The following PADI1 variants were observed in gnomAD, a reference collection of about 807,000 sequenced individuals.
The protein encoded by PADI1 is protein-arginine deiminase type-1.
A neutral mutation model predicts 74.8 loss-of-function variants in PADI1; 65 were observed. That is an observed-to-expected ratio of 0.87 (90% CI 0.71 to 1.07). PADI1 has a LOEUF of 1.07. Among genes scored for constraint, PADI1 ranks in the 50% least tolerant of loss-of-function variants. The pLI, the probability that PADI1 is intolerant of heterozygous loss-of-function variation, is 0.00. For synonymous variants in PADI1, 371 were observed against 336.2 expected (o/e 1.10, Z -1.13); for missense variants, 943 against 854.0 (o/e 1.10, Z -1.30).
At chr1:17,222,950 C>A (rs906123399) in intron 2 of PADI1, among the ~76,000 whole-genome samples, 1 of 151,336 alleles carries the variant, frequency 6.6e-6, no homozygotes, top group Non-Finnish European at 1.5e-5. Flanking sequence ...CTCGCCCCAG[C>A]CCCCAGCACC....
At chr1:17,220,340 T>C (rs555059022) in intron 1 of PADI1, among the ~76,000 whole-genome samples, 1 of 152,242 alleles carries the variant, frequency 6.6e-6, no homozygotes, top group African/African-American at 2.4e-5. Context: ...CAAGTGATCA[T>C]GGCAGAGGTT....
chr1:17,227,530 CAAATAAATAAATAAATAAATAAAT>C (rs56966982), intron 6 of PADI1, among the ~76,000 whole-genome samples: 13 of 138,356 alleles, frequency 9.4e-5, no homozygotes, highest in East Asian at 4.1e-4. Context: ...GACCCTGTCT[CAAATAAATAAATAAATAAATAAAT>C]AAATAAATAA....
In PADI1 at chr1:17,239,739, A is replaced by G. The variant is rs757852247; in HGVS notation, c.1588A>G (p.Met530Val). The change falls in exon 14 of 16, where the codon ATG becomes GTG. Residue 530 changes from methionine to valine, a missense_variant. Coordinates refer to ENST00000375471, the MANE Select transcript of PADI1 (RefSeq NM_013358.3). ...CCAGGCAAAAAGAAGCATTAATGAG[A>G]TGCTGGCAGACAGACACCTCCAGAG... ...KHQAKRSINE[M>V]LADRHLQRDN... 1 of 1,614,120 alleles carries G rather than the reference A, an allele frequency of 6.2e-7. No homozygotes were observed. Among genetic ancestry groups the G allele is most frequent in the Non-Finnish European group, 8.5e-7 (1 of 1,179,952 alleles).
chr1:17,221,669 C>G lies in PADI1; in HGVS notation c.93-621C>G, dbSNP rs1007541542. On this transcript the variant is annotated intron_variant, in intron 1 of 15. Coordinates refer to ENST00000375471, the MANE Select transcript of PADI1 (RefSeq NM_013358.3). ...TCTTGGGGAGGAGCAGTCCATGCAG[C>G]AGGAGCGGGCAGTGCCAGGACAGCC... is the stretch of plus-strand genomic sequence containing the variant. 1.2e-4 allele frequency among the ~76,000 whole-genome samples: 19 copies of G among 152,020 alleles called. 1 individual carries two copies. Among genetic ancestry groups the G allele is most frequent in the Non-Finnish European group, 4.4e-5 (3 of 68,000 alleles).
intron 15 of PADI1, among the ~76,000 whole-genome samples, chr1:17,243,187 G>C (rs2072812334): frequency 6.6e-6 from 1 of 152,206 alleles, no homozygotes; most frequent in Non-Finnish European, 1.5e-5. Flanking sequence ...AACCTGGGCT[G>C]AGATTTCCTC....
At chr1:17,221,061 CT>C (rs553277061) in intron 1 of PADI1, among the ~76,000 whole-genome samples, 370 of 152,312 alleles carry the variant, frequency 2.4e-3, no homozygotes, top group Middle Eastern at 6.8e-3. Context: ...ACACCCATTT[CT>C]TGATCCCAGA....
chr1:17,209,068 C>T (rs2071764720), intron 1 of PADI1, among the ~76,000 whole-genome samples: 1 of 152,198 alleles, frequency 6.6e-6, no homozygotes, highest in African/African-American at 2.4e-5. Flanking sequence ...TTCTGGAATT[C>T]TCTGTATTTC....
At chr1:17,208,841 G>T (rs1244743726) in intron 1 of PADI1, among the ~76,000 whole-genome samples, 1 of 152,228 alleles carries the variant, frequency 6.6e-6, no homozygotes, top group Non-Finnish European at 1.5e-5. Context: ...CTGCCCAGAG[G>T]CCAGAACCAG....
At chr1:17,223,744 G>T in intron 3 of PADI1, 51 bp downstream of exon 3, 1 of 1,452,554 alleles carries the variant, frequency 6.9e-7, no homozygotes, top group South Asian at 1.2e-5. Context: ...CCTCCAGGTT[G>T]ACTGTTTGAG....
In PADI1 at chr1:17,228,995, G is replaced by A. The variant is rs144150093; in HGVS notation, c.873G>A (p.Met291Ile). ...TLFTDTVGFR[M>I]APWIMTPNTQ... ...TCACAGACACTGTGGGCTTCCGCATGGCCCCCTGGATCATGACGCCCAACA... is the reference window on the plus strand; with the variant it reads ...TCACAGACACTGTGGGCTTCCGCATAGCCCCCTGGATCATGACGCCCAACA... The change falls in exon 8 of 16, where the codon ATG becomes ATA. Residue 291 changes from methionine (M) to isoleucine (I), a missense_variant. Coordinates refer to ENST00000375471, the MANE Select transcript of PADI1 (RefSeq NM_013358.3). The A allele has an allele frequency of 1.3e-6, 2 of 1,596,778 alleles. No individual in the cohort carries two copies. The highest frequency in any genetic ancestry group is 1.7e-6 in the Non-Finnish European group (2 of 1,171,002).
intron 6 of PADI1, among the ~76,000 whole-genome samples, chr1:17,227,398 A>C (rs1422095109): frequency 6.6e-6 from 1 of 150,874 alleles, no homozygotes; most frequent in East Asian, 1.9e-4. Flanking sequence ...ACATACAAAA[A>C]AATTAGCCTG....
intron 6 of PADI1, among the ~76,000 whole-genome samples, chr1:17,227,802 G>A (rs1242864100): frequency 2.0e-5 from 3 of 152,204 alleles, no homozygotes; most frequent in African/African-American, 7.2e-5. Context: ...GTGACACCAG[G>A]GCGTAAGCAA....
intron 10 of PADI1, among the ~76,000 whole-genome samples, chr1:17,232,300 G>A (rs1311878399): frequency 1.3e-5 from 2 of 152,072 alleles, no homozygotes; most frequent in Non-Finnish European, 1.5e-5. Context: ...GAGTGCAGTG[G>A]TGCAATCCTA....
intron 15 of PADI1, among the ~76,000 whole-genome samples, chr1:17,241,037 C>T (rs1224466530): frequency 2.0e-5 from 3 of 152,176 alleles, no homozygotes; most frequent in Admixed American, 2.0e-4. Flanking sequence ...ATAGGATGCC[C>T]CGCCACAAAG....
intron 1 of PADI1, among the ~76,000 whole-genome samples, chr1:17,208,972 G>A (rs547538235): frequency 6.6e-6 from 1 of 152,338 alleles, no homozygotes; most frequent in Non-Finnish European, 1.5e-5. Context: ...TGCAAAAGCA[G>A]CAATGCAAGA....
rs564286380 is a variant in PADI1 at position 17,242,979 on chromosome 1, C to T, written c.1759-1031C>T. Among the ~76,000 whole-genome samples, 12 of 152,262 alleles carry T rather than the reference C, an allele frequency of 7.9e-5. No homozygotes were observed. In the South Asian group the frequency reaches 2.5e-3, roughly 32 times the overall value. On this transcript the variant is annotated intron_variant, in intron 15 of 15. Coordinates refer to ENST00000375471, the MANE Select transcript of PADI1 (RefSeq NM_013358.3). ...GGCCAGGGGACTGACCTCACGGGAC[C>T]CTCCAGCTTTATGTTGGTCCCTGCC...
rs1409635513 is a variant in PADI1, at chr1:17,230,658, T to C, written c.1140T>C (p.Asp380=). 6.2e-7 allele frequency: 1 copy of C among 1,608,686 alleles called. No individual in the cohort carries two copies. Among genetic ancestry groups the C allele is most frequent in the Admixed American group, 1.7e-5 (1 of 59,834 alleles). The change falls in exon 10 of 16, where the codon GAT becomes GAC. Residue 380 remains aspartate (D), a synonymous_variant. Coordinates refer to ENST00000375471, the MANE Select transcript of PADI1 (RefSeq NM_013358.3). The stretch of plus-strand genomic sequence containing the variant: ...CCCCCAGGAACAGGGGCCTGAAAGA[T>C]TTCCCCTATAAGAGGATCCTGGTAC... ...FDSPRNRGLK[D]FPYKRILGPD...
In PADI1 at chr1:17,205,133, T is replaced by A; in HGVS notation, c.-85T>A. The A allele has an allele frequency of 3.7e-6, 4 of 1,068,178 alleles. No individual in the cohort carries two copies. The highest frequency in any genetic ancestry group is 5.7e-6 in the Non-Finnish European group (4 of 697,906). 66.2% of individuals were successfully genotyped at this position (1,068,178 alleles called of 1,614,324 possible). A position where few individuals can be genotyped will look rare whatever the true frequency, so the allele number is the denominator to read the frequency against. ...GGAGGAGGCACCAGTCCATCAGAAC[T>A]CACACTTCTTCCTGGCAAAGAAGTG... On this transcript the variant is annotated 5_prime_UTR_variant, in exon 1 of 16. Transcript: ENST00000375471.
At position 17,237,417 on chromosome 1, in the gene PADI1, G is replaced by A. The variant is rs1372820963; in HGVS notation, c.1417G>A (p.Val473Met). The stretch of plus-strand genomic sequence containing the variant: ...CTCGGACTGGCTCTCTGTGGGCCAT[G>A]TGGACGAGTTTCTGACCTTTGTGCC... Reference protein sequence around the residue: ...LYSDWLSVGHVDEFLTFVPTS... With the variant: ...LYSDWLSVGHMDEFLTFVPTS... The change falls in exon 12 of 16, where the codon GTG becomes ATG. Residue 473 changes from valine (V) to methionine (M), a missense_variant. By Grantham distance (21) the Val-to-Met change is conservative. Transcript: ENST00000375471. 6.2e-7 allele frequency: 1 copy of A among 1,613,656 alleles called. No individual in the cohort carries two copies. The highest frequency in any genetic ancestry group is 1.7e-5 in the Admixed American group (1 of 59,960).
Sources: allele counts gnomAD v4.1 joint callset (sites outside exome capture counted in the v4.1 genomes callset), GRCh38; gene constraint gnomAD v4.1.1; transcripts MANE v1.5; gene names NCBI Gene and HGNC (gene_info 2026-07-23, HGNC 2026-07-21).